Variants in NOD2 observed in about 807,000 individuals in gnomAD.
NOD2 encodes the protein nucleotide binding oligomerization domain containing 2, also known as nucleotide-binding oligomerization domain-containing protein 2.
NOD2 carries 86 observed loss-of-function variants against 90.9 expected under a neutral mutation model. The ratio of observed to expected loss-of-function variants is 0.95; its 90% CI spans 0.79 to 1.13. The LOEUF is 1.13. NOD2 is among the 50% of genes most tolerant of loss of function. The pLI is 0.00. For synonymous variants in NOD2, 581 were observed against 554.6 expected, an observed-to-expected ratio of 1.05 and a Z score of -0.67; for missense variants, 1,238 against 1,283.8, an observed-to-expected ratio of 0.96 and a Z score of 0.55.
At position 50,699,750 on chromosome 16, in the gene NOD2, C is replaced by T. The variant is rs770046355; in HGVS notation, c.255C>T (p.Ala85=). Residue 85 remains alanine, a synonymous_variant, in exon 2 of 12, where the codon GCC becomes GCT. Transcript: ENST00000647318. ...TCGCGGCTGCCCAAGAAGCCCAGGC[C>T]GACAGCCAGTCCCCCAAGCTGCATG... ...KLIAAAQEAQ[A]DSQSPKLHGC... The T allele has an allele frequency of 9.9e-6, 16 of 1,613,996 alleles. No individual in the cohort carries two copies. The highest frequency in any genetic ancestry group is 2.2e-5 in the East Asian group (1 of 44,880).
At chr16:50,727,592 A>G in intron 10 of NOD2, 1 of 291,774 alleles carries the variant, frequency 3.4e-6, no homozygotes, top group Non-Finnish European at 6.8e-6. Context: ...TTCCTGCAGA[A>G]AGTTGTCAAG....
rs1965505842 is a variant in NOD2, at chr16:50,732,935, T to G, written c.*1116T>G. The G allele has an allele frequency of 6.6e-6, 1 of 152,406 alleles. No individual in the cohort carries two copies. The highest frequency in any genetic ancestry group is 6.5e-5 in the Admixed American group (1 of 15,290). 9.4% of individuals were successfully genotyped at this position (152,406 alleles called of 1,614,324 possible). ...CAGATGCTGTGCAAATGTTATTATT[T>G]TAAACATTATGATGTGTGAAAACTG... On this transcript the variant is annotated 3_prime_UTR_variant, in exon 12 of 12. Coordinates refer to ENST00000647318, the MANE Select transcript of NOD2 (RefSeq NM_001370466.1).
Position 50,731,674 on chromosome 16 carries a change from T to A in NOD2, c.2970-73T>A, listed in dbSNP as rs1321366382. ...CCATCCCAGGCATGGGTTTAAAAAG[T>A]GGAGGCTTTTGTTTGAAAGCCCTGC... On this transcript the variant is annotated intron_variant, in intron 11 of 11. Transcript: ENST00000647318. The A allele has an allele frequency of 3.9e-6, 4 of 1,031,506 alleles. No homozygotes were observed. In the African/African-American group the frequency reaches 4.7e-5, roughly 12 times the overall value. The allele number at this position is 1,031,506 out of a possible 1,614,324, so 63.9% of individuals were successfully genotyped here.
chr16:50,731,637 C>G, intron 11 of NOD2, 110 bp from the exon 12 acceptor site: 1 of 792,012 alleles, frequency 1.3e-6, no homozygotes, highest in Non-Finnish European at 2.2e-6. Flanking sequence ...GCAGCTGGGC[C>G]AGAGAGTCAG....
chr16:50,702,762 T>C (rs1963999217), intron 2 of NOD2, among the ~76,000 whole-genome samples: 2 of 152,256 alleles, frequency 1.3e-5, no homozygotes, highest in South Asian at 4.1e-4. Context: ...GACTACACTG[T>C]TTCTTAACAA....
chr16:50,701,877 A>G (rs530793226), intron 2 of NOD2, among the ~76,000 whole-genome samples: 4 of 151,986 alleles, frequency 2.6e-5, no homozygotes, highest in Non-Finnish European at 5.9e-5. Flanking sequence ...AAAGCAGGAC[A>G]TAGGGGGAAA....
chr16:50,699,476 T>C lies in NOD2; in HGVS notation c.-8-12T>C. 1 of 1,611,312 alleles carries C rather than the reference T, an allele frequency of 6.2e-7. No homozygotes were observed. The highest frequency in any genetic ancestry group is 8.5e-7 in the Non-Finnish European group (1 of 1,178,874). ...TGGAGAAGTCCCGCACTGACCTTGT[T>C]CTCCTCCCCAGGTTGTGAAATGTGC... On this transcript the variant is annotated splice_polypyrimidine_tract_variant and intron_variant, in intron 1 of 11. Coordinates refer to ENST00000647318, the MANE Select transcript of NOD2 (RefSeq NM_001370466.1).
At chr16:50,708,670 A>C (rs1488671367) in intron 3 of NOD2, among the ~76,000 whole-genome samples, 1 of 151,996 alleles carries the variant, frequency 6.6e-6, no homozygotes, top group African/African-American at 2.4e-5. Flanking sequence ...CAAGCCTGGC[A>C]CTCTTTAGGG....
At chr16:50,706,488 G>A (rs1488845750) in intron 2 of NOD2, among the ~76,000 whole-genome samples, 1 of 152,128 alleles carries the variant, frequency 6.6e-6, no homozygotes, top group East Asian at 1.9e-4. Context: ...CAGCTTTCCA[G>A]ATAAGCAGGG....
chr16:50,722,765 TG>T, intron 8 of NOD2, 60 bp downstream of exon 8: 1 of 1,477,610 alleles, frequency 6.8e-7, no homozygotes, highest in Non-Finnish European at 9.5e-7. Context: ...AGGGAGGAGC[TG>T]GGGCCAGTTC....
Position 50,722,668 on chromosome 16 carries a change from G to A in NOD2, c.2680G>A (p.Glu894Lys), listed in dbSNP as rs1188261459. Residue 894 changes from glutamate to lysine, a missense_variant, in exon 8 of 12, where the codon GAA (glutamate) becomes AAA (lysine). Glu to Lys is a moderately conservative substitution (Grantham distance 56). Around this residue, in one of 3 missense-constraint regions of NOD2, gnomAD observed 667 missense variants for 688.7 expected, o/e 0.97. Coordinates refer to ENST00000647318, the MANE Select transcript of NOD2 (RefSeq NM_001370466.1). Reference protein sequence around the residue: ...VGDEGAQALAEALGDHQSLRW... With the variant: ...VGDEGAQALAKALGDHQSLRW... The stretch of plus-strand genomic sequence containing the variant: ...TGACGAGGGGGCCCAGGCCCTGGCT[G>A]AAGCCTTGGGTGATCACCAGAGCTT... 6.2e-7 allele frequency: 1 copy of A among 1,614,248 alleles called. No homozygotes were observed. Among genetic ancestry groups the A allele is most frequent in the Non-Finnish European group, 8.5e-7 (1 of 1,180,030 alleles).
intron 1 of NOD2, chr16:50,697,351 A>G (rs1963699567): frequency 6.5e-7 from 1 of 1,536,342 alleles, no homozygotes; most frequent in South Asian, 1.2e-5. Flanking sequence ...TCCCAGCTTG[A>G]TCCTCAGCCT....
intron 9 of NOD2, 60 bp downstream of exon 9, chr16:50,723,444 G>T (rs977594529): frequency 1.4e-6 from 2 of 1,475,844 alleles, no homozygotes; most frequent in Non-Finnish European, 1.9e-6. Context: ...TGATCCCCTG[G>T]CCTCATCCAT....
At chr16:50,709,129 T>C (rs1219788928) in intron 3 of NOD2, among the ~76,000 whole-genome samples, 2 of 152,174 alleles carry the variant, frequency 1.3e-5, no homozygotes, top group East Asian at 3.9e-4. Context: ...AAGAGGAAGA[T>C]ATATATCTGA....
At chr16:50,724,177 T>C (rs995301862) in intron 9 of NOD2, among the ~76,000 whole-genome samples, 2 of 152,166 alleles carry the variant, frequency 1.3e-5, no homozygotes, top group Non-Finnish European at 2.9e-5. Flanking sequence ...ACTGAATGTT[T>C]GATTTTCCCG....
intron 1 of NOD2, among the ~76,000 whole-genome samples, chr16:50,696,647 A>G (rs1272184240): frequency 6.6e-6 from 1 of 152,212 alleles, no homozygotes; most frequent in Non-Finnish European, 1.5e-5. Flanking sequence ...GGTTAGTGAG[A>G]ACAGCACTAA....
chr16:50,719,378 A>G (rs2150828148), intron 6 of NOD2, among the ~76,000 whole-genome samples: 1 of 152,280 alleles, frequency 6.6e-6, no homozygotes, highest in Admixed American at 6.5e-5. Context: ...GTCTGGATTC[A>G]GTTGCAGCAG....
chr16:50,706,271 AG>A, intron 2 of NOD2, among the ~76,000 whole-genome samples: 1 of 152,342 alleles, frequency 6.6e-6, no homozygotes, highest in Non-Finnish European at 1.5e-5. Flanking sequence ...ACGTGGTTCT[AG>A]ACAGGTATTT....
chr16:50,714,561 C>T (rs1596878084), intron 4 of NOD2, among the ~76,000 whole-genome samples: 3 of 150,126 alleles, frequency 2.0e-5, no homozygotes, highest in South Asian at 2.1e-4. Context: ...CTGCCAAGGC[C>T]GTAGGGGAGG....
Sources: gnomAD v4.1 joint callset for allele counts (sites outside exome capture counted in the v4.1 genomes callset) on GRCh38, gnomAD v4.1.1 for gene constraint, gnomAD v4.1.1 regional missense constraint, MANE v1.5 for transcripts, NCBI Gene and HGNC (gene_info 2026-07-23, HGNC 2026-07-21) for gene names.